The following TFB2M variants were observed in gnomAD, a reference collection of about 807,000 sequenced individuals.
TFB2M encodes transcription factor B2, mitochondrial, also known as dimethyladenosine transferase 2, mitochondrial.
TFB2M carries 44 observed loss-of-function variants against 41.3 expected under a neutral mutation model. The observed-to-expected ratio is 1.07, with a 90% confidence interval of 0.84 to 1.37. The LOEUF is 1.37. Among genes scored for constraint, TFB2M ranks in the 40% most tolerant of loss-of-function variants. TFB2M has a pLI of 0.00. For synonymous variants in TFB2M, 188 were observed against 176.8 expected (o/e 1.06, Z -0.50); for missense variants, 496 against 490.2 (o/e 1.01, Z -0.11).
chr1:246,566,121 GA>G lies in TFB2M; in HGVS notation c.17del (p.Val6AlafsTer7). ...AGAGCCTCAGCCGCCGAGGAAGCCC[GA>G]CCACTGGGATCCACATGTCCTTGTC... Reference protein sequence around the residue: MWIPVVGLPRRLRLSA... With the variant: MWIPVXGLPRRLRLSA... On this transcript the variant is annotated frameshift_variant, in exon 1 of 8. Coordinates refer to ENST00000366514, the MANE Select transcript of TFB2M (RefSeq NM_022366.3). LOFTEE classifies it high-confidence loss of function. 1 of 1,609,874 alleles carries G rather than the reference GA, an allele frequency of 6.2e-7. No individual in the cohort carries two copies. Among genetic ancestry groups the G allele is most frequent in the Non-Finnish European group, 8.5e-7 (1 of 1,177,002 alleles).
intron 2 of TFB2M, among the ~76,000 whole-genome samples, chr1:246,561,319 T>C (rs1659449902): frequency 6.6e-6 from 1 of 152,376 alleles, no homozygotes; most frequent in African/African-American, 2.4e-5. Flanking sequence ...ATTTAGTCAA[T>C]GATGTTTATA....
chr1:246,550,521 G>C (rs890007201), intron 5 of TFB2M, among the ~76,000 whole-genome samples: 2 of 152,106 alleles, frequency 1.3e-5, no homozygotes, highest in African/African-American at 4.8e-5. Context: ...GCAGACTGAA[G>C]ACCTCAGCAT....
intron 7 of TFB2M, among the ~76,000 whole-genome samples, chr1:246,543,685 G>C (rs533651827): frequency 2.0e-4 from 30 of 152,314 alleles, no homozygotes; most frequent in African/African-American, 7.0e-4. Flanking sequence ...TGTAACCCCA[G>C]CACTTTGGGA....
Position 246,544,571 on chromosome 1 carries a change from C to A in TFB2M, c.969G>T (p.Leu323Phe), listed in dbSNP as rs767821956. ...TGCGCCTCCCAAAACAGTGCTTTAA[C>A]AAGTGAAAAAATATATTATAGTTCA... ...TPMNYNIFFH[L>F]LKHCFGRRSA... Residue 323 changes from leucine to phenylalanine, a missense_variant, in exon 7 of 8, where the codon TTG (leucine) becomes TTT (phenylalanine). By Grantham distance (22) the Leu-to-Phe change is conservative. Transcript: ENST00000366514. 1.2e-6 allele frequency: 2 copies of A among 1,610,126 alleles called. No homozygotes were observed. The highest frequency in any genetic ancestry group is 2.2e-5 in the East Asian group (1 of 44,790).
At chr1:246,564,530 G>T in intron 1 of TFB2M, 96 bp from the exon 2 acceptor site, 1 of 1,162,662 alleles carries the variant, frequency 8.6e-7, no homozygotes, top group Non-Finnish European at 1.3e-6. Flanking sequence ...TTATTACCTG[G>T]TTTTTAAATC....
chr1:246,545,384 G>A (rs1026067244), intron 6 of TFB2M, among the ~76,000 whole-genome samples: 1 of 151,916 alleles, frequency 6.6e-6, no homozygotes. Context: ...AATTAGCTGG[G>A]TGTGGTGGTG....
chr1:246,556,471 C>A, intron 4 of TFB2M, 102 bp downstream of exon 4: 1 of 898,574 alleles, frequency 1.1e-6, no homozygotes, highest in Non-Finnish European at 1.6e-6. Context: ...AATCTTAGAC[C>A]CTCAAATGTC....
intron 4 of TFB2M, 145 bp downstream of exon 4, chr1:246,556,428 T>G: frequency 1.7e-6 from 1 of 579,608 alleles, no homozygotes; most frequent in Non-Finnish European, 2.8e-6. Context: ...AAAAGCAACC[T>G]GAGCATAAGA....
At chr1:246,563,559 G>A (rs1283856975) in intron 2 of TFB2M, among the ~76,000 whole-genome samples, 4 of 151,276 alleles carry the variant, frequency 2.6e-5, no homozygotes, top group Non-Finnish European at 5.9e-5. Context: ...AGCCGAGATC[G>A]CACCATTGCA....
rs1400080903 is a variant in TFB2M at position 246,548,559 on chromosome 1, T to C, written c.844A>G (p.Asn282Asp). Residue 282 changes from asparagine to aspartate, a missense_variant, in exon 6 of 8, where the codon AAC becomes GAC. Coordinates refer to ENST00000366514, the MANE Select transcript of TFB2M (RefSeq NM_022366.3). The stretch of plus-strand genomic sequence containing the variant: ...TTTATTCTTACCCTACGCTTTGGGT[T>C]TTCCAGCGGCCCTTTCCGGGTGTAT... ...DIYTRKGPLE[N>D]PKRRELLDQL... The C allele has an allele frequency of 6.2e-7, 1 of 1,613,428 alleles. No homozygotes were observed. The highest frequency in any genetic ancestry group is 8.5e-7 in the Non-Finnish European group (1 of 1,179,792).
chr1:246,551,745 C>G (rs1659191055), intron 4 of TFB2M, among the ~76,000 whole-genome samples: 1 of 152,212 alleles, frequency 6.6e-6, no homozygotes, highest in Non-Finnish European at 1.5e-5. Flanking sequence ...GAGGTTACCT[C>G]AACGAATGGG....
intron 2 of TFB2M, among the ~76,000 whole-genome samples, chr1:246,563,333 G>C (rs952228757): frequency 6.6e-6 from 1 of 152,108 alleles, no homozygotes; most frequent in African/African-American, 2.4e-5. Flanking sequence ...GCTAGGCATG[G>C]TGGCTCACGC....
Position 246,540,852 on chromosome 1 carries a change from T to C in TFB2M, c.*179A>G, listed in dbSNP as rs972987490. Reference sequence around the variant, plus strand: ...TCATTTTATTCAATTGTGAATAAAATAGCAGACACTGTTTCATCCAATAAG... The same window carrying C: ...TCATTTTATTCAATTGTGAATAAAACAGCAGACACTGTTTCATCCAATAAG... On this transcript the variant is annotated 3_prime_UTR_variant, in exon 8 of 8. Coordinates refer to ENST00000366514, the MANE Select transcript of TFB2M (RefSeq NM_022366.3). 8 of 492,530 alleles carry C rather than the reference T, an allele frequency of 1.6e-5. No homozygotes were observed. Among genetic ancestry groups the C allele is most frequent in the East Asian group, 3.3e-5 (1 of 30,704 alleles). 30.5% of individuals were successfully genotyped at this position (492,530 alleles called of 1,614,324 possible). A position where few individuals can be genotyped will look rare whatever the true frequency, so the allele number is the denominator to read the frequency against.
At chr1:246,544,913 C>T (rs542926471) in intron 6 of TFB2M, among the ~76,000 whole-genome samples, 207 of 152,268 alleles carry the variant, frequency 1.4e-3, no homozygotes, top group African/African-American at 4.6e-3. Context: ...TCATGCCATT[C>T]TCCTGCCTCA....
At chr1:246,545,017 G>A (rs183382461) in intron 6 of TFB2M, among the ~76,000 whole-genome samples, 11 of 151,788 alleles carry the variant, frequency 7.2e-5, no homozygotes, top group South Asian at 6.3e-4. Context: ...GTGTTAGCCA[G>A]GATGGTCTCG....
At position 246,541,160 on chromosome 1, in the gene TFB2M, T is replaced by C. The variant is rs773275647; in HGVS notation, c.1062A>G (p.Ile354Met). ...PLDARDILMQ[I>M]GKQEDEKVVN... ...CTACTTTCTCATCCTCCTGTTTTCC[T>C]ATTTGCATCAATATATCTCTCGCAT... Residue 354 changes from isoleucine (I) to methionine (M), a missense_variant, in exon 8 of 8, where the codon ATA becomes ATG. Transcript: ENST00000366514. 6.2e-7 allele frequency: 1 copy of C among 1,614,160 alleles called. No homozygotes were observed. Among genetic ancestry groups the C allele is most frequent in the South Asian group, 1.1e-5 (1 of 91,072 alleles).
rs368133499 is a variant in TFB2M, at chr1:246,541,017, C to T, written c.*14G>A. 9.2e-5 allele frequency: 145 copies of T among 1,583,488 alleles called. No homozygotes were observed. Among genetic ancestry groups the T allele is most frequent in the Admixed American group, 7.6e-4 (41 of 53,850 alleles). On this transcript the variant is annotated 3_prime_UTR_variant, in exon 8 of 8. Transcript: ENST00000366514. ...AATAAATGAACCGCTCCACCAAAAA[C>T]GACAGTCTAGTTGCTACCTATCTTC... is the stretch of plus-strand genomic sequence containing the variant.
rs764498048 is a variant in TFB2M, at chr1:246,546,983, A to ACACACACACAC, written c.858+1561_858+1562insGTGTGTGTGTG. Among the ~76,000 whole-genome samples the ACACACACACAC allele has an allele frequency of 8.7e-4, 110 of 127,166 alleles. 2 individuals carry two copies. Among genetic ancestry groups the ACACACACACAC allele is most frequent in the Non-Finnish European group, 6.4e-4 (39 of 60,574 alleles). The allele number at this position is 127,166 out of a possible 152,430, so 83.4% of individuals were successfully genotyped here. ...TGTATATATACACACACACACACACATTTTTTTTTTTTTTTTTTGAGACAA... is the reference window on the plus strand; with the variant it reads ...TGTATATATACACACACACACACACACACACACACACTTTTTTTTTTTTTTTTTTGAGACAA... On this transcript the variant is annotated intron_variant, in intron 6 of 7. Coordinates refer to ENST00000366514, the MANE Select transcript of TFB2M (RefSeq NM_022366.3).
intron 6 of TFB2M, among the ~76,000 whole-genome samples, chr1:246,546,812 C>T (rs951055513): frequency 4.6e-5 from 4 of 87,758 alleles, no homozygotes; most frequent in African/African-American, 1.2e-4. Context: ...AAATGACAGG[C>T]CCTAAAAACC....
Sources: gnomAD v4.1 joint callset for allele counts (sites outside exome capture counted in the v4.1 genomes callset) on GRCh38, gnomAD v4.1.1 for gene constraint, MANE v1.5 for transcripts, NCBI Gene and HGNC (gene_info 2026-07-23, HGNC 2026-07-21) for gene names.